Variants in SBF2 observed in about 807,000 individuals in gnomAD.
SBF2 encodes myotubularin-related protein 13.
In SBF2, 112 loss-of-function variants were observed where a neutral mutation model predicts 225.2. The observed-to-expected ratio is 0.50, with a 90% confidence interval of 0.43 to 0.58. The LOEUF (loss-of-function observed/expected upper bound fraction) is 0.58, where lower values mean the gene tolerates loss of function less well. Among genes scored for constraint, SBF2 ranks in the 20% least tolerant of loss-of-function variants. SBF2 has a pLI of 0.00. For synonymous variants in SBF2, 763 were observed against 773.3 expected (o/e 0.99, Z 0.22); for missense variants, 1,996 against 2,206.2 (o/e 0.90, Z 1.91).
intron 16 of SBF2, chr11:9,956,964 T>G (rs1345189476): frequency 6.6e-6 from 1 of 152,222 alleles, no homozygotes; most frequent in Non-Finnish European, 1.5e-5. Flanking sequence ...CAGGCAATTC[T>G]GCAAAAATTA....
chr11:10,236,462 T>C (rs1959081226), intron 1 of SBF2, among the ~76,000 whole-genome samples: 1 of 148,832 alleles, frequency 6.7e-6, no homozygotes, highest in Admixed American at 6.6e-5. Context: ...GTCCGTCTCT[T>C]TTTTTTTGTT....
chr11:10,247,457 G>T (rs1193740393), intron 1 of SBF2, among the ~76,000 whole-genome samples: 1 of 150,436 alleles, frequency 6.6e-6, no homozygotes, highest in African/African-American at 2.5e-5. Flanking sequence ...GAGGTGGGAA[G>T]ATCACTTGAG....
intron 16 of SBF2, among the ~76,000 whole-genome samples, chr11:9,911,099 G>T (rs1471792598): frequency 6.6e-6 from 1 of 151,722 alleles, no homozygotes; most frequent in East Asian, 1.9e-4. Context: ...TGGGCACGGT[G>T]GCTCATGCCT....
chr11:9,846,143 C>A (rs1856532076), intron 23 of SBF2, among the ~76,000 whole-genome samples: 1 of 152,178 alleles, frequency 6.6e-6, no homozygotes, highest in African/African-American at 2.4e-5. Context: ...CTAATCAGTA[C>A]AGCTAGGCAA....
At chr11:9,933,433 A>G (rs1864649408) in intron 16 of SBF2, among the ~76,000 whole-genome samples, 1 of 152,214 alleles carries the variant, frequency 6.6e-6, no homozygotes, top group Admixed American at 6.5e-5. Flanking sequence ...AGCAAATGTA[A>G]AAGAACAGAA....
In SBF2 at chr11:10,132,835, T is replaced by C. The variant is rs577306269; in HGVS notation, c.141+61067A>G. Among the ~76,000 whole-genome samples, 190 of 149,046 alleles carry C rather than the reference T, an allele frequency of 1.3e-3. 12 individuals carry two copies. Among genetic ancestry groups the C allele is most frequent in the African/African-American group, 4.2e-3 (170 of 40,466 alleles). ...GTGGCCTGTTTTGTCAGGGCGCTGATTGGTGCGTTTACAATCCCTGAGCTA... is the reference window on the plus strand; with the variant it reads ...GTGGCCTGTTTTGTCAGGGCGCTGACTGGTGCGTTTACAATCCCTGAGCTA... On this transcript the variant is annotated intron_variant, in intron 2 of 39. Transcript: ENST00000256190.
rs150102588 is a variant in SBF2 at position 10,224,920 on chromosome 11, C to T, written c.56-30933G>A. On this transcript the variant is annotated intron_variant, in intron 1 of 39. Coordinates refer to ENST00000256190, the MANE Select transcript of SBF2 (RefSeq NM_030962.4). Reference sequence around the variant, plus strand: ...CATGATTTACCAGGATGCCCAATGGCTAATACAATAAGAGTAAGTGATGGT... The same window carrying T: ...CATGATTTACCAGGATGCCCAATGGTTAATACAATAAGAGTAAGTGATGGT... Among the ~76,000 whole-genome samples, 3 of 152,202 alleles carry T rather than the reference C, an allele frequency of 2.0e-5. No individual in the cohort carries two copies. The East Asian group carries it at 5.8e-4, about 29-fold the overall frequency.
intron 5 of SBF2, among the ~76,000 whole-genome samples, chr11:10,029,555 T>G (rs1949176675): frequency 6.6e-6 from 1 of 152,250 alleles, no homozygotes; most frequent in Non-Finnish European, 1.5e-5. Flanking sequence ...ATGAACCCTG[T>G]GTTAAAATTA....
chr11:9,826,742 T>A (rs1855090101), intron 28 of SBF2, among the ~76,000 whole-genome samples: 1 of 151,172 alleles, frequency 6.6e-6, no homozygotes, highest in Admixed American at 6.6e-5. Context: ...TGTGTGTGTG[T>A]GTGTGTGTAT....
intron 1 of SBF2, among the ~76,000 whole-genome samples, chr11:10,196,286 T>C: frequency 6.6e-6 from 1 of 152,370 alleles, no homozygotes; most frequent in Middle Eastern, 3.4e-3. Flanking sequence ...AGAGATAAAT[T>C]AATGTACTTA....
chr11:10,167,153 T>C (rs1955994052), intron 2 of SBF2, among the ~76,000 whole-genome samples: 1 of 152,200 alleles, frequency 6.6e-6, no homozygotes, highest in African/African-American at 2.4e-5. Flanking sequence ...AATACAAATA[T>C]TTTTGAAATT....
At chr11:10,048,763 A>T (rs1949963446) in intron 2 of SBF2, among the ~76,000 whole-genome samples, 1 of 151,054 alleles carries the variant, frequency 6.6e-6, no homozygotes, top group Non-Finnish European at 1.5e-5. Context: ...ATATAGTGAC[A>T]TGTGTCAATA....
At chr11:10,172,598 C>A (rs185056848) in intron 2 of SBF2, among the ~76,000 whole-genome samples, 13 of 152,202 alleles carry the variant, frequency 8.5e-5, no homozygotes, top group African/African-American at 2.9e-4. Context: ...GGTGATCCAC[C>A]GGCCTCGGCC....
At chr11:10,030,612 G>A (rs1949217368) in intron 4 of SBF2, among the ~76,000 whole-genome samples, 1 of 152,142 alleles carries the variant, frequency 6.6e-6, no homozygotes, top group African/African-American at 2.4e-5. Context: ...ATACCTGGAA[G>A]CAATATTTTA....
At chr11:9,996,738 G>C (rs1021964343) in intron 9 of SBF2, among the ~76,000 whole-genome samples, 1 of 152,140 alleles carries the variant, frequency 6.6e-6, no homozygotes, top group Non-Finnish European at 1.5e-5. Context: ...GTTGAGCAAT[G>C]ACAGGTTCTA....
At chr11:10,283,572 G>T (rs777211007) in intron 1 of SBF2, among the ~76,000 whole-genome samples, 8 of 151,014 alleles carry the variant, frequency 5.3e-5, no homozygotes, top group Non-Finnish European at 8.9e-5. Flanking sequence ...ATTGACTCCA[G>T]ATGAAATACC....
chr11:9,983,230 G>A (rs1260538755), intron 13 of SBF2, among the ~76,000 whole-genome samples: 1 of 152,154 alleles, frequency 6.6e-6, no homozygotes, highest in Non-Finnish European at 1.5e-5. Context: ...CAGACTCAGG[G>A]CTACTGGGGG....
At chr11:9,974,615 C>G (rs895945137) in intron 13 of SBF2, among the ~76,000 whole-genome samples, 1 of 150,694 alleles carries the variant, frequency 6.6e-6, no homozygotes, top group Non-Finnish European at 1.5e-5. Context: ...CCACCACATA[C>G]CTGTTGGAAA....
At chr11:10,001,594 G>A (rs1947961365) in intron 7 of SBF2, among the ~76,000 whole-genome samples, 1 of 151,278 alleles carries the variant, frequency 6.6e-6, no homozygotes, top group Non-Finnish European at 1.5e-5. Context: ...GTGCGATCTC[G>A]GCTCACTGCA....
Sources: allele counts gnomAD v4.1 joint callset (sites outside exome capture counted in the v4.1 genomes callset), GRCh38; gene constraint gnomAD v4.1.1; transcripts MANE v1.5; gene names NCBI Gene and HGNC (gene_info 2026-07-23, HGNC 2026-07-21).